Variants in RAPGEF5 observed in about 807,000 individuals in gnomAD.
The protein encoded by RAPGEF5 is Rap guanine nucleotide exchange factor 5.
Under a neutral mutation model 125.2 loss-of-function variants are expected in RAPGEF5, and 65 were observed. That is an observed-to-expected ratio of 0.52 (90% CI 0.43 to 0.64). RAPGEF5 has a LOEUF of 0.64. Ranked by LOEUF, RAPGEF5 falls within the 30% of genes least tolerant of loss-of-function variation. RAPGEF5 has a pLI of 0.00. For missense variants in RAPGEF5, 958 were observed against 1,048.1 expected (o/e 0.91, Z 1.19); for synonymous variants, 391 against 385.9 (o/e 1.01, Z -0.16).
At chr7:22,325,591 G>C (rs1005583523) in intron 1 of RAPGEF5, among the ~76,000 whole-genome samples, 2 of 152,004 alleles carry the variant, frequency 1.3e-5, no homozygotes, top group African/African-American at 4.8e-5. Context: ...TTAAAGACAG[G>C]GTCTTGCTCT....
At position 22,355,626 on chromosome 7, in the gene RAPGEF5, G is replaced by C. The variant is rs371159002; in HGVS notation, c.231+1204C>G. ...CTTTAAGAATGTCCCATCACACACA[G>C]AGAATCCTCAGAACATCTTCTGAGA... On this transcript the variant is annotated intron_variant, in intron 1 of 25. Transcript: ENST00000665637. Among the ~76,000 whole-genome samples the C allele has an allele frequency of 7.9e-5, 12 of 152,242 alleles. 1 individual carries two copies. The East Asian group carries it at 2.1e-3, about 27-fold the overall frequency.
intron 11 of RAPGEF5, among the ~76,000 whole-genome samples, chr7:22,170,890 G>C (rs1028428215): frequency 1.3e-5 from 2 of 152,032 alleles, no homozygotes; most frequent in Non-Finnish European, 2.9e-5. Flanking sequence ...TCCTAATAAA[G>C]AAAATAGTTA....
chr7:22,318,660 T>C (rs780097395), intron 1 of RAPGEF5, among the ~76,000 whole-genome samples: 16 of 152,322 alleles, frequency 1.1e-4, no homozygotes, highest in Admixed American at 3.9e-4. Flanking sequence ...TTGCCACTCA[T>C]AACCCTGCCT....
chr7:22,290,601 C>A (rs1264572771), intron 6 of RAPGEF5, among the ~76,000 whole-genome samples: 27 of 151,854 alleles, frequency 1.8e-4, no homozygotes, highest in Admixed American at 1.8e-3. Context: ...AAAAATTAGC[C>A]GGGCGTAGTG....
intron 11 of RAPGEF5, chr7:22,191,778 G>A: frequency 2.4e-6 from 1 of 409,702 alleles, no homozygotes; most frequent in Non-Finnish European, 5.1e-6. Flanking sequence ...GAACCTGTGA[G>A]CACCTGAGCC....
chr7:22,127,981 A>C (rs1782800816), intron 24 of RAPGEF5, among the ~76,000 whole-genome samples: 1 of 152,196 alleles, frequency 6.6e-6, no homozygotes, highest in East Asian at 1.9e-4. Flanking sequence ...ATGTCTGTGC[A>C]TGTATTGTTC....
At chr7:22,254,847 G>A (rs774992029) in intron 7 of RAPGEF5, among the ~76,000 whole-genome samples, 7 of 152,040 alleles carry the variant, frequency 4.6e-5, no homozygotes, top group South Asian at 2.1e-4. Context: ...CAGGGGTCGC[G>A]CACCTGTGAA....
intron 7 of RAPGEF5, among the ~76,000 whole-genome samples, chr7:22,259,966 C>T (rs925592284): frequency 6.6e-6 from 1 of 152,180 alleles, no homozygotes; most frequent in Non-Finnish European, 1.5e-5. Flanking sequence ...TGCCTGTAAT[C>T]CCAGCTACTT....
At chr7:22,139,577 G>T (rs767886120) in intron 21 of RAPGEF5, among the ~76,000 whole-genome samples, 1 of 152,250 alleles carries the variant, frequency 6.6e-6, no homozygotes, top group Admixed American at 6.5e-5. Flanking sequence ...ACTTTAGAAC[G>T]TTTTGTGGAT....
At chr7:22,158,799 A>AT in intron 14 of RAPGEF5, among the ~76,000 whole-genome samples, 1 of 152,036 alleles carries the variant, frequency 6.6e-6, no homozygotes, top group East Asian at 1.9e-4. Flanking sequence ...CTAAGTTTCT[A>AT]TTTTTTGTAG....
chr7:22,258,624 CAAAAAAAAAAAA>C (rs34352575), intron 7 of RAPGEF5, among the ~76,000 whole-genome samples: 4 of 45,826 alleles, frequency 8.7e-5, no homozygotes, highest in African/African-American at 8.9e-5. Context: ...AACTCCGTCT[CAAAAAAAAAAAA>C]AAAAAAAAAA....
intron 7 of RAPGEF5, among the ~76,000 whole-genome samples, chr7:22,265,356 T>C (rs1478201741): frequency 3.3e-5 from 5 of 152,234 alleles, no homozygotes; most frequent in African/African-American, 1.2e-4. Context: ...AAACATGCAG[T>C]ATTTGTCTTT....
At chr7:22,323,092 C>G in intron 1 of RAPGEF5, among the ~76,000 whole-genome samples, 1 of 152,232 alleles carries the variant, frequency 6.6e-6, no homozygotes, top group South Asian at 2.1e-4. Context: ...TGTCCTGCAC[C>G]TGCTCATGTT....
At chr7:22,285,062 C>G (rs1305336653) in intron 6 of RAPGEF5, among the ~76,000 whole-genome samples, 1 of 152,210 alleles carries the variant, frequency 6.6e-6, no homozygotes, top group East Asian at 1.9e-4. Context: ...CATCAGCCTA[C>G]AGCTGGGCTA....
At chr7:22,300,057 G>GT (rs142196766) in intron 5 of RAPGEF5, among the ~76,000 whole-genome samples, 1 of 151,768 alleles carries the variant, frequency 6.6e-6, no homozygotes, top group Non-Finnish European at 1.5e-5. Context: ...TTATTTAAAA[G>GT]TTTTTTTTCT....
At chr7:22,235,233 A>C (rs947764816) in intron 7 of RAPGEF5, among the ~76,000 whole-genome samples, 23 of 152,236 alleles carry the variant, frequency 1.5e-4, no homozygotes, top group Non-Finnish European at 1.8e-4. Context: ...TACAGAGAGA[A>C]AACTCTTTCA....
At chr7:22,334,094 C>A (rs181391882) in intron 1 of RAPGEF5, among the ~76,000 whole-genome samples, 2 of 148,040 alleles carry the variant, frequency 1.4e-5, no homozygotes, top group African/African-American at 5.0e-5. Context: ...CTACAGCGCC[C>A]CGAGTGTTCT....
intron 9 of RAPGEF5, among the ~76,000 whole-genome samples, chr7:22,198,951 A>C (rs895166452): frequency 3.9e-5 from 6 of 152,196 alleles, no homozygotes; most frequent in Non-Finnish European, 8.8e-5. Flanking sequence ...CCAGAACCAC[A>C]GATGTCCCCT....
chr7:22,236,900 C>G (rs1171362914), intron 7 of RAPGEF5, among the ~76,000 whole-genome samples: 1 of 152,200 alleles, frequency 6.6e-6, no homozygotes, highest in African/African-American at 2.4e-5. Context: ...AGCTCTGATA[C>G]CTGTGATCCC....
Sources: gnomAD v4.1 joint callset for allele counts (sites outside exome capture counted in the v4.1 genomes callset) on GRCh38, gnomAD v4.1.1 for gene constraint, MANE v1.5 for transcripts, NCBI Gene and HGNC (gene_info 2026-07-23, HGNC 2026-07-21) for gene names.